Variants in BANP observed in about 807,000 individuals in gnomAD.
BANP encodes the protein protein BANP.
Under a neutral mutation model 68.1 loss-of-function variants are expected in BANP, and 11 were observed. The ratio of observed to expected loss-of-function variants is 0.16; its 90% CI spans 0.10 to 0.27. BANP has a LOEUF of 0.27. Ranked by LOEUF, BANP falls within the 10% of genes least tolerant of loss-of-function variation. BANP has a pLI of 1.00. For missense variants in BANP, 504 were observed against 722.7 expected (o/e 0.70, Z 3.47); for synonymous variants, 329 against 303.2 (o/e 1.09, Z -0.88).
chr16:88,057,393 G>C lies in BANP; in HGVS notation c.1312-7874G>C, dbSNP rs1297988577. Among the ~76,000 whole-genome samples, 5 of 152,154 alleles carry C rather than the reference G, an allele frequency of 3.3e-5. No individual in the cohort carries two copies. The highest frequency in any genetic ancestry group is 7.3e-5 in the Non-Finnish European group (5 of 68,028). Reference sequence around the variant, plus strand: ...AAACCTGGGCGTTACTGCTGCACCAGGATTCCTGGCCTCCAGAGGAAGGAT... The same window carrying C: ...AAACCTGGGCGTTACTGCTGCACCACGATTCCTGGCCTCCAGAGGAAGGAT... On this transcript the variant is annotated intron_variant, in intron 11 of 13. Transcript: ENST00000682872. This position sits in a 1 kb window ranked among gnomAD's most constrained non-coding sequence, Gnocchi z 4.6.
rs932287013 is a variant in BANP, at chr16:88,018,265, G to A, written c.656-163G>A. Among the ~76,000 whole-genome samples, 5 of 152,090 alleles carry A rather than the reference G, an allele frequency of 3.3e-5. No individual in the cohort carries two copies. The highest frequency in any genetic ancestry group is 5.9e-5 in the Non-Finnish European group (4 of 68,006). On this transcript the variant is annotated intron_variant, in intron 6 of 13. Transcript: ENST00000682872. This position sits in a 1 kb window ranked among gnomAD's most constrained non-coding sequence, Gnocchi z 7.7. ...GTCAGTTCTTTCTTGGGCAGCAGTC[G>A]GAGGCTCCAGCGCTCTTGGTGACTG...
intron 11 of BANP, among the ~76,000 whole-genome samples, chr16:88,045,198 G>A (rs948899679): frequency 1.3e-5 from 2 of 152,152 alleles, no homozygotes; most frequent in East Asian, 3.9e-4. Flanking sequence ...AGGATTATCC[G>A]TGTCACTTGG....
At chr16:88,033,994 C>T (rs543791961) in intron 9 of BANP, among the ~76,000 whole-genome samples, 3 of 152,144 alleles carry the variant, frequency 2.0e-5, no homozygotes, top group African/African-American at 7.2e-5. Flanking sequence ...GGCACCAGCC[C>T]CCTTGGGCCC....
rs913975645 is a variant in BANP, at chr16:88,039,346, T to C, written c.1311+1335T>C. On this transcript the variant is annotated intron_variant, in intron 11 of 13. Coordinates refer to ENST00000682872, the MANE Select transcript of BANP (RefSeq NM_001386991.1). ...TGCGGTCGGCGCAGTGCAGGTCAGT[T>C]CTCCGCGCCTTTGTCCCGTGGTTCT... Among the ~76,000 whole-genome samples the C allele has an allele frequency of 3.5e-5, 5 of 143,270 alleles. No homozygotes were observed. In the Admixed American group the frequency reaches 3.5e-4, roughly 10 times the overall value. 94.0% of individuals were successfully genotyped at this position (143,270 alleles called of 152,430 possible).
At chr16:88,007,227 T>C (rs1236443240) in intron 6 of BANP, among the ~76,000 whole-genome samples, 1 of 152,190 alleles carries the variant, frequency 6.6e-6, no homozygotes, top group Non-Finnish European at 1.5e-5. Context: ...GAAACTAGCA[T>C]TGGCCTGCTG....
chr16:87,956,795 C>A (rs1004379726), intron 1 of BANP: 1 of 152,154 alleles, frequency 6.6e-6, no homozygotes, highest in Non-Finnish European at 1.5e-5. Flanking sequence ...CTGGCCCCCC[C>A]TTTGGAAGAG....
At position 88,001,084 on chromosome 16, in the gene BANP, T is replaced by G. The variant is rs7193629; in HGVS notation, c.363-3211T>G. 8.7e-3 allele frequency among the ~76,000 whole-genome samples: 399 copies of G among 45,900 alleles called. 1 individual carries two copies. The highest frequency in any genetic ancestry group is 0.039 in the African/African-American group (345 of 8,794). The allele number at this position is 45,900 out of a possible 152,430, so 30.1% of individuals were successfully genotyped here. ...TCCAGACACGTCTCCATGCACGCAC[T>G]TGCACGGCTGTACTTACCAGGCCTT... On this transcript the variant is annotated intron_variant, in intron 4 of 13. Transcript: ENST00000682872.
At chr16:88,059,297 C>T (rs1165552316) in intron 11 of BANP, among the ~76,000 whole-genome samples, 1 of 151,772 alleles carries the variant, frequency 6.6e-6, no homozygotes, top group Non-Finnish European at 1.5e-5. Context: ...GGGGGCACTG[C>T]CTTCCCTCTC....
In BANP at chr16:88,027,641, T is replaced by C; in HGVS notation, c.1054T>C (p.Cys352Arg). 3 of 1,613,292 alleles carry C rather than the reference T, an allele frequency of 1.9e-6. No individual in the cohort carries two copies. Among genetic ancestry groups the C allele is most frequent in the South Asian group, 1.1e-5 (1 of 91,066 alleles). Reference protein sequence around the residue: ...SRRTPNSSSYCPSEPMMSTPP... With the variant: ...SRRTPNSSSYRPSEPMMSTPP... ...GAGAACGCCCAACTCGTCCTCCTACTGCCCTTCAGGTAGGCCTCGTGCTGC... is the reference window on the plus strand; with the variant it reads ...GAGAACGCCCAACTCGTCCTCCTACCGCCCTTCAGGTAGGCCTCGTGCTGC... The change falls in exon 8 of 14, where the codon TGC becomes CGC. Residue 352 changes from cysteine (C) to arginine (R), a missense_variant. Cys to Arg is a radical substitution (Grantham distance 180, BLOSUM62 -3). This residue lies in a region of BANP where 223 missense variants were observed against 246.2 expected (regional missense o/e 0.91). Coordinates refer to ENST00000682872, the MANE Select transcript of BANP (RefSeq NM_001386991.1).
At chr16:88,046,597 G>A (rs2082076056) in intron 11 of BANP, among the ~76,000 whole-genome samples, 2 of 151,832 alleles carry the variant, frequency 1.3e-5, no homozygotes, top group African/African-American at 4.8e-5. Flanking sequence ...CCAGGCTGGA[G>A]TGCAGTGATG....
chr16:88,043,378 T>A (rs2081272036), intron 11 of BANP, among the ~76,000 whole-genome samples: 1 of 152,216 alleles, frequency 6.6e-6, no homozygotes, highest in Non-Finnish European at 1.5e-5. Context: ...GAGAAATGGC[T>A]CCTTCGTCAG....
In BANP at chr16:88,047,198, C is replaced by T. The variant is rs913947470; in HGVS notation, c.1311+9187C>T. On this transcript the variant is annotated intron_variant, in intron 11 of 13. Transcript: ENST00000682872. Reference sequence around the variant, plus strand: ...AAATCCCAAGCCAGAGCTCCCGGGGCTGCCAGGAGTTTGGGCTTGATGCGG... The same window carrying T: ...AAATCCCAAGCCAGAGCTCCCGGGGTTGCCAGGAGTTTGGGCTTGATGCGG... Among the ~76,000 whole-genome samples, 4 of 152,178 alleles carry T rather than the reference C, an allele frequency of 2.6e-5. No homozygotes were observed. The East Asian group carries it at 5.8e-4, about 22-fold the overall frequency.
chr16:87,968,767 C>G (rs1021511854), intron 1 of BANP, among the ~76,000 whole-genome samples: 3 of 152,088 alleles, frequency 2.0e-5, no homozygotes, highest in African/African-American at 7.2e-5. Flanking sequence ...GATCCTAGCA[C>G]CAGTGTTTGA....
rs556362937 is a variant in BANP at position 87,957,628 on chromosome 16, A to T, written c.-69+6113A>T. On this transcript the variant is annotated intron_variant, in intron 1 of 13. Transcript: ENST00000682872. This position sits in a 1 kb window ranked among gnomAD's most constrained non-coding sequence, Gnocchi z 4.3. ...GTAGTGATTTTCCTTTTCCCTTGAG[A>T]TGAAAAGTCATCAAATATCTGGAAG... Among the ~76,000 whole-genome samples, 28 of 152,242 alleles carry T rather than the reference A, an allele frequency of 1.8e-4. No individual in the cohort carries two copies. Among genetic ancestry groups the T allele is most frequent in the African/African-American group, 6.3e-4 (26 of 41,464 alleles).
intron 11 of BANP, among the ~76,000 whole-genome samples, chr16:88,044,707 G>T (rs1411163300): frequency 6.6e-6 from 1 of 152,354 alleles, no homozygotes; most frequent in African/African-American, 2.4e-5. Context: ...ATATAGGCTG[G>T]GCACGGTGGC....
At chr16:87,953,998 G>A (rs1369568982) in intron 1 of BANP, among the ~76,000 whole-genome samples, 1 of 152,190 alleles carries the variant, frequency 6.6e-6, no homozygotes, top group East Asian at 1.9e-4. Flanking sequence ...CCTTGTGTGT[G>A]CTGAGGTGTG....
intron 7 of BANP, among the ~76,000 whole-genome samples, chr16:88,024,019 G>A (rs770707103): frequency 1.2e-4 from 18 of 151,962 alleles, no homozygotes; most frequent in Non-Finnish European, 1.9e-4. Flanking sequence ...CTCAGCAGCC[G>A]GATGCCGAGC....
At chr16:87,962,680 G>C (rs140537188) in intron 1 of BANP, among the ~76,000 whole-genome samples, 1 of 152,116 alleles carries the variant, frequency 6.6e-6, no homozygotes, top group Admixed American at 6.6e-5. Flanking sequence ...CATTTGGGGG[G>C]CCATCTTAAA....
intron 6 of BANP, among the ~76,000 whole-genome samples, chr16:88,011,741 G>A (rs1277682360): frequency 3.3e-5 from 5 of 152,140 alleles, no homozygotes; most frequent in Admixed American, 3.3e-4. Context: ...CACCCTATCA[G>A]GAGCCCACCG....
Sources: gnomAD v4.1 joint callset for allele counts (sites outside exome capture counted in the v4.1 genomes callset) on GRCh38, gnomAD v4.1.1 for gene constraint, gnomAD v4.1.1 regional missense constraint, Gnocchi (gnomAD v3.1) non-coding constraint, MANE v1.5 for transcripts, NCBI Gene and HGNC (gene_info 2026-07-23, HGNC 2026-07-21) for gene names.